Variants in KIF1A observed in about 807,000 individuals in gnomAD.
KIF1A encodes the protein kinesin family member 1A.
A neutral mutation model predicts 227.3 loss-of-function variants in KIF1A; 46 were observed. The observed-to-expected ratio is 0.20, with a 90% CI of 0.16 to 0.26. The LOEUF is 0.26. Ranked by LOEUF, KIF1A falls within the 10% of genes least tolerant of loss-of-function variation. The probability of loss-of-function intolerance (pLI) is 1.00; values close to 1 mark genes in which losing one functional copy is unlikely to be tolerated. For synonymous variants in KIF1A, 1,022 were observed against 1,012.8 expected, an observed-to-expected ratio of 1.01 and a Z score of -0.17; for missense variants, 1,683 against 2,485.9, an observed-to-expected ratio of 0.68 and a Z score of 6.87.
chr2:240,729,262 A>G (rs761315867), intron 38 of KIF1A, among the ~76,000 whole-genome samples: 4 of 140,088 alleles, frequency 2.9e-5, no homozygotes, highest in Non-Finnish European at 5.9e-5. Context: ...TCTGCCTCCA[A>G]AGTCCCTAAA....
chr2:240,803,354 G>A (rs1056722053), intron 1 of KIF1A, among the ~76,000 whole-genome samples: 2 of 152,236 alleles, frequency 1.3e-5, no homozygotes, highest in Non-Finnish European at 2.9e-5. Context: ...TGTCCCCGAG[G>A]GAGCTGTGGT....
chr2:240,782,783 C>T lies in KIF1A; in HGVS notation c.865-176G>A, dbSNP rs531271882. On this transcript the variant is annotated intron_variant, in intron 9 of 48. Coordinates refer to ENST00000498729, the MANE Select transcript of KIF1A (RefSeq NM_001244008.2). ...AGGGTCCCTCCAGGGCCGCCCTTCC[C>T]GGGCCCAGGCCTGGGCTGCCTGCTG... 2.0e-5 allele frequency among the ~76,000 whole-genome samples: 3 copies of T among 152,310 alleles called. 1 individual carries two copies. The highest frequency in any genetic ancestry group is 7.2e-5 in the African/African-American group (3 of 41,566).
At position 240,726,628 on chromosome 2, in the gene KIF1A, C is replaced by CATGGATTT. The variant is rs907405266; in HGVS notation, c.4122+190_4122+197dup. ...TCTCAAAAACAAAAAAAAAACAGCA[C>CATGGATTT]ATGGATTTATGGATTTATGGATTCA... On this transcript the variant is annotated intron_variant, in intron 39 of 48. Transcript: ENST00000498729. This position sits in a 1 kb window ranked among gnomAD's most constrained non-coding sequence, Gnocchi z 5.2. Among the ~76,000 whole-genome samples the CATGGATTT allele has an allele frequency of 3.9e-5, 6 of 152,090 alleles. No individual in the cohort carries two copies. Among genetic ancestry groups the CATGGATTT allele is most frequent in the South Asian group, 2.1e-4 (1 of 4,826 alleles).
At position 240,774,118 on chromosome 2, in the gene KIF1A, A is replaced by C. The variant is rs1309221110; in HGVS notation, c.1037+65T>G. ...GTCACTGGTGCTTCCTAATTCAAGC[A>C]CGAGAGGATCCATCCCCCAAGACCA... On this transcript the variant is annotated intron_variant, in intron 12 of 48. Coordinates refer to ENST00000498729, the MANE Select transcript of KIF1A (RefSeq NM_001244008.2). 3.2e-4 allele frequency: 336 copies of C among 1,061,860 alleles called. 6 individuals are homozygous for C. In the East Asian group the frequency reaches 8.1e-3, roughly 26 times the overall value. The allele number at this position is 1,061,860 out of a possible 1,614,324, so 65.8% of individuals were successfully genotyped here. A position where few individuals can be genotyped will look rare whatever the true frequency, so the allele number is the denominator to read the frequency against.
chr2:240,803,800 C>T (rs992399590), intron 1 of KIF1A, among the ~76,000 whole-genome samples: 3 of 152,144 alleles, frequency 2.0e-5, no homozygotes, highest in African/African-American at 7.2e-5. Flanking sequence ...ATTTTCTAAA[C>T]AAATTTTATA....
intron 5 of KIF1A, among the ~76,000 whole-genome samples, chr2:240,786,834 G>GCCACCACCAGGACCC (rs1553638780): frequency 1.3e-4 from 19 of 148,626 alleles, no homozygotes; most frequent in South Asian, 2.1e-4. Context: ...GAGGGTGGGG[G>GCCACCACCAGGACCC]CTGCCTGCTG....
chr2:240,757,271 G>A lies in KIF1A; in HGVS notation c.2858+48C>T, dbSNP rs1022439108. The A allele has an allele frequency of 1.1e-5, 17 of 1,518,044 alleles. No homozygotes were observed. Among genetic ancestry groups the A allele is most frequent in the Middle Eastern group, 1.7e-4 (1 of 5,942 alleles). 94.0% of individuals were successfully genotyped at this position (1,518,044 alleles called of 1,614,324 possible). ...TCTGTGCCCGCAGCAGTGCTCCTGT[G>A]CAAAAGAGCTGGGTCCTCCCCAGCA... On this transcript the variant is annotated intron_variant, in intron 27 of 48. Transcript: ENST00000498729. The surrounding 1 kb of genome is among the most constrained non-coding windows in gnomAD (Gnocchi z 6.2).
intron 38 of KIF1A, chr2:240,734,794 C>T (rs1343001162): frequency 4.1e-5 from 53 of 1,286,004 alleles, no homozygotes; most frequent in East Asian, 5.7e-5. Context: ...GGCAGCGCAG[C>T]GGGAGCGGGG....
Position 240,788,046 on chromosome 2 carries a change from C to CCGG in KIF1A, c.363+4_363+5insCCG. The CCGG allele has an allele frequency of 8.5e-7, 1 of 1,173,794 alleles. No homozygotes were observed. The highest frequency in any genetic ancestry group is 1.2e-6 in the Non-Finnish European group (1 of 827,392). The allele number at this position is 1,173,794 out of a possible 1,614,324, so 72.7% of individuals were successfully genotyped here. ...GGCTGCCCCCGCCCGCCCCCCGCTT[C>CCGG]GTGCCTGTGGGATGATGCCCTGCTG... On this transcript the variant is annotated splice_donor_region_variant and intron_variant, in intron 4 of 48. Coordinates refer to ENST00000498729, the MANE Select transcript of KIF1A (RefSeq NM_001244008.2). The surrounding 1 kb of genome is among the most constrained non-coding windows in gnomAD (Gnocchi z 6.6).
In KIF1A at chr2:240,788,183, G is replaced by A. The variant is rs530669240; in HGVS notation, c.231C>T (p.Ile77=). ...YASQKQVYRD[I]GEEMLQHAFE... Reference sequence around the variant, plus strand: ...AGGCATGCTGCAGCATCTCCTCGCCGATGTCCCGGTACACCTGCTTCTGCG... The same window carrying A: ...AGGCATGCTGCAGCATCTCCTCGCCAATGTCCCGGTACACCTGCTTCTGCG... The change falls in exon 4 of 49, where the codon ATC becomes ATT. Residue 77 remains isoleucine, a synonymous_variant. Coordinates refer to ENST00000498729, the MANE Select transcript of KIF1A (RefSeq NM_001244008.2). The surrounding 1 kb of genome is among the most constrained non-coding windows in gnomAD (Gnocchi z 6.6). The A allele has an allele frequency of 1.2e-4, 197 of 1,613,780 alleles. 2 individuals carry two copies. The South Asian group carries it at 1.7e-3, about 14-fold the overall frequency.
At chr2:240,762,105 G>A (rs561552411) in intron 23 of KIF1A, among the ~76,000 whole-genome samples, 37 of 152,124 alleles carry the variant, frequency 2.4e-4, no homozygotes, top group Non-Finnish European at 4.0e-4. Context: ...AGGGAGCTTC[G>A]CTGGGTAAAT....
At position 240,752,844 on chromosome 2, in the gene KIF1A, G is replaced by A. The variant is rs779882918; in HGVS notation, c.2859-2297C>T. Among the ~76,000 whole-genome samples the A allele has an allele frequency of 6.6e-6, 1 of 152,166 alleles. No individual in the cohort carries two copies. Among genetic ancestry groups the A allele is most frequent in the Non-Finnish European group, 1.5e-5 (1 of 68,024 alleles). ...TGCTCGGAGAGGGGGCAGGACCTGG[G>A]ACCACTCCCACTGTGGGCCAGGTGA... On this transcript the variant is annotated intron_variant, in intron 27 of 48. Coordinates refer to ENST00000498729, the MANE Select transcript of KIF1A (RefSeq NM_001244008.2). This position sits in a 1 kb window ranked among gnomAD's most constrained non-coding sequence, Gnocchi z 6.4.
At chr2:240,746,356 C>T (rs1393034119) in intron 29 of KIF1A, among the ~76,000 whole-genome samples, 179 bp from the exon 30 acceptor site, 1 of 152,176 alleles carries the variant, frequency 6.6e-6, no homozygotes, top group Non-Finnish European at 1.5e-5. Flanking sequence ...CCCCAGGTCT[C>T]AGTTTTCCCT....
chr2:240,782,041 C>T (rs1267147445), intron 10 of KIF1A: 2 of 985,324 alleles, frequency 2.0e-6, no homozygotes, highest in Non-Finnish European at 2.4e-6. Flanking sequence ...CCCACGCTGG[C>T]TCACTCCGTT....
chr2:240,719,482 C>T (rs763354579), intron 46 of KIF1A, among the ~76,000 whole-genome samples: 8 of 152,346 alleles, frequency 5.3e-5, no homozygotes, highest in South Asian at 2.1e-4. Flanking sequence ...CCAGTGACCA[C>T]GAGTTCCCCA....
intron 28 of KIF1A, chr2:240,748,611 G>T: frequency 4.2e-6 from 1 of 240,230 alleles, no homozygotes; most frequent in South Asian, 4.3e-5. Flanking sequence ...GGGAGACAGA[G>T]GTGATAGGTG....
intron 38 of KIF1A, chr2:240,728,249 C>A: frequency 2.1e-6 from 1 of 483,064 alleles, no homozygotes; most frequent in Non-Finnish European, 4.0e-6. Flanking sequence ...CACATGTCAC[C>A]GAGGAGCAAT....
intron 10 of KIF1A, 34 bp downstream of exon 10, chr2:240,782,556 C>A (rs1170651927): frequency 1.3e-6 from 2 of 1,550,182 alleles, no homozygotes; most frequent in Admixed American, 2.0e-5. Flanking sequence ...ACCAGCCTCC[C>A]GCACCTGCCC....
rs565848499 is a variant in KIF1A at position 240,782,128 on chromosome 2, T to G, written c.882+462A>C. 40 of 985,244 alleles carry G rather than the reference T, an allele frequency of 4.1e-5. No individual in the cohort carries two copies. The African/African-American group carries it at 7.0e-4, about 17-fold the overall frequency. 61.0% of individuals were successfully genotyped at this position (985,244 alleles called of 1,614,324 possible). On this transcript the variant is annotated intron_variant, in intron 10 of 48. Transcript: ENST00000498729. ...GTCCCCAGCGTCGCCCCAGGCAGCT[T>G]CACACGTGGCGCGCTCCGCGGCACC...
Sources: gnomAD v4.1 joint callset for allele counts (sites outside exome capture counted in the v4.1 genomes callset) on GRCh38, gnomAD v4.1.1 for gene constraint, Gnocchi (gnomAD v3.1) non-coding constraint, MANE v1.5 for transcripts, NCBI Gene and HGNC (gene_info 2026-07-23, HGNC 2026-07-21) for gene names.